Variants in ZNF611 observed in about 807,000 individuals in gnomAD.
The protein encoded by ZNF611 is zinc finger protein 611.
Under a neutral mutation model 8.9 loss-of-function variants are expected in ZNF611, and 6 were observed. The ratio of observed to expected loss-of-function variants is 0.68; its 90% CI spans 0.37 to 1.34. The LOEUF (loss-of-function observed/expected upper bound fraction) is 1.34. Ranked by LOEUF, ZNF611 falls within the 40% of genes most tolerant of loss-of-function variation. The pLI, the probability that ZNF611 is intolerant of heterozygous loss-of-function variation, is 0.02. For synonymous variants in ZNF611, 262 were observed against 279.7 expected (o/e 0.94, Z 0.63); for missense variants, 874 against 841.3 (o/e 1.04, Z -0.48).
At chr19:52,708,515 A>T (rs1485667895) in intron 5 of ZNF611, 1 of 148,128 alleles carries the variant, frequency 6.8e-6, no homozygotes, top group Admixed American at 6.7e-5. Context: ...AAATAAAATA[A>T]AGAAAATACA....
intron 3 of ZNF611, among the ~76,000 whole-genome samples, chr19:52,718,881 C>T (rs989890208): frequency 6.6e-6 from 1 of 151,878 alleles, no homozygotes; most frequent in Admixed American, 6.6e-5. Context: ...AAATGAAAAG[C>T]AACTAATGAG....
At chr19:52,726,394 C>T (rs1053483299) in intron 3 of ZNF611, among the ~76,000 whole-genome samples, 2 of 152,244 alleles carry the variant, frequency 1.3e-5, no homozygotes, top group Non-Finnish European at 2.9e-5. Flanking sequence ...GTCTCTCTCG[C>T]GCGCTCTTTT....
rs530377273 is a variant in ZNF611 at position 52,731,832 on chromosome 19, G to A, written c.-221-1827C>T. Among the ~76,000 whole-genome samples, 276 of 152,166 alleles carry A rather than the reference G, an allele frequency of 1.8e-3. 1 individual carries two copies. Among genetic ancestry groups the A allele is most frequent in the Non-Finnish European group, 2.1e-3 (145 of 68,010 alleles). On this transcript the variant is annotated intron_variant, in intron 1 of 5. Coordinates refer to ENST00000652185, the MANE Select transcript of ZNF611 (RefSeq NM_001161499.2). Reference sequence around the variant, plus strand: ...ACTAAAAACACAAAATTAGCCGAGCGTGGTGGTGCATGCCTGTAATCCCAG... The same window carrying A: ...ACTAAAAACACAAAATTAGCCGAGCATGGTGGTGCATGCCTGTAATCCCAG...
At chr19:52,715,471 T>C (rs1248986571) in intron 4 of ZNF611, among the ~76,000 whole-genome samples, 1 of 152,222 alleles carries the variant, frequency 6.6e-6, no homozygotes, top group Non-Finnish European at 1.5e-5. Flanking sequence ...CACACATCTG[T>C]GCACATTAAC....
Position 52,703,310 on chromosome 19 carries a change from C to G in ZNF611, c.*1627G>C. ...ATTTTTTGTTTGTTTGAGATGGAGA[C>G]TCACTCTGCCACCCAGGCTGCAGTA... On this transcript the variant is annotated 3_prime_UTR_variant, in exon 6 of 6. Coordinates refer to ENST00000652185, the MANE Select transcript of ZNF611 (RefSeq NM_001161499.2). The G allele has an allele frequency of 1.3e-5, 2 of 152,082 alleles. 1 individual carries two copies. Among genetic ancestry groups the G allele is most frequent in the East Asian group, 3.9e-4 (2 of 5,190 alleles). 9.4% of individuals were successfully genotyped at this position (152,082 alleles called of 1,614,324 possible).
intron 4 of ZNF611, among the ~76,000 whole-genome samples, chr19:52,715,501 T>C (rs552684469): frequency 6.6e-6 from 1 of 152,370 alleles, no homozygotes; most frequent in Non-Finnish European, 1.5e-5. Flanking sequence ...TCATATGTAG[T>C]TTCTCTGAGC....
chr19:52,709,430 G>A (rs891753715), intron 5 of ZNF611, among the ~76,000 whole-genome samples: 34 of 151,466 alleles, frequency 2.2e-4, no homozygotes, highest in African/African-American at 8.0e-4. Context: ...GCACCACCAT[G>A]CCCAGATAAT....
intron 3 of ZNF611, among the ~76,000 whole-genome samples, chr19:52,721,674 G>GGGAAGAGGGAGAGAGGGA (rs1555796327): frequency 0.012 from 1,741 of 145,500 alleles, 36 homozygotes; most frequent in African/African-American, 0.047. Flanking sequence ...GAAAGTGAGA[G>GGGAAGAGGGAGAGAGGGA]GGGAAAGGGA....
intron 3 of ZNF611, 140 bp from the exon 4 acceptor site, chr19:52,716,053 A>G: frequency 1.1e-6 from 1 of 948,666 alleles, no homozygotes; most frequent in East Asian, 2.5e-5. Flanking sequence ...TGCAGAGATA[A>G]GGAAGTCCCA....
chr19:52,717,756 C>G (rs2062327332), intron 3 of ZNF611: 1 of 919,572 alleles, frequency 1.1e-6, no homozygotes, highest in East Asian at 1.2e-4. Context: ...TCACAGATCA[C>G]CATTTTTTCA....
chr19:52,722,283 G>A (rs2062364769), intron 3 of ZNF611, among the ~76,000 whole-genome samples: 1 of 152,074 alleles, frequency 6.6e-6, no homozygotes, highest in Non-Finnish European at 1.5e-5. Flanking sequence ...TCAGGAGACT[G>A]AGGGAGGAGG....
chr19:52,707,182 A>G lies in ZNF611; in HGVS notation c.191-318T>C, dbSNP rs555616761. 2.0e-5 allele frequency among the ~76,000 whole-genome samples: 3 copies of G among 151,934 alleles called. No homozygotes were observed. In the East Asian group the frequency reaches 5.8e-4, roughly 29 times the overall value. On this transcript the variant is annotated intron_variant, in intron 5 of 5. Coordinates refer to ENST00000652185, the MANE Select transcript of ZNF611 (RefSeq NM_001161499.2). ...CACAATTTGCAAAAAGCATATCACC[A>G]TCACATCGGTGAAGAGAAAAATATA...
At position 52,706,759 on chromosome 19, in the gene ZNF611, C is replaced by T; in HGVS notation, c.296G>A (p.Gly99Glu). ...CTCAATTTCCTGGAAGCAAAAATCT[C>T]CAATGTGATGACTTTCATGTCTTTG... ...TLQRHESHHIGDFCFQEIEKE... is the reference protein window; with the variant it reads ...TLQRHESHHIEDFCFQEIEKE... The change falls in exon 6 of 6, where the codon GGA (glycine) becomes GAA (glutamate). Residue 99 changes from glycine (G) to glutamate (E), a missense_variant. Transcript: ENST00000652185. The T allele has an allele frequency of 6.2e-7, 1 of 1,614,160 alleles. No homozygotes were observed. Among genetic ancestry groups the T allele is most frequent in the Non-Finnish European group, 8.5e-7 (1 of 1,180,016 alleles).
In ZNF611 at chr19:52,721,644, G is replaced by C. The variant is rs747918928; in HGVS notation, c.-19-5731C>G. Among the ~76,000 whole-genome samples the C allele has an allele frequency of 9.4e-4, 142 of 150,476 alleles. 1 individual carries two copies. The highest frequency in any genetic ancestry group is 2.5e-4 in the Non-Finnish European group (17 of 68,002). On this transcript the variant is annotated intron_variant, in intron 3 of 5. Transcript: ENST00000652185. ...GATCACGGCAGTACTGTCCAGCCTC[G>C]GCAACAGAGGGAGACCGTGGAAAGT...
In ZNF611 at chr19:52,721,080, C is replaced by T. The variant is rs58879036; in HGVS notation, c.-19-5167G>A. On this transcript the variant is annotated intron_variant, in intron 3 of 5. Transcript: ENST00000652185. ...GCAGAGGGGCTCCTCACTTCCTAGA[C>T]GGGGCGGCCAGGAAGAGACGCTCCT... The T allele has an allele frequency of 6.1e-3, 929 of 152,948 alleles. 9 individuals carry two copies. The highest frequency in any genetic ancestry group is 0.021 in the African/African-American group (856 of 40,336). 9.5% of individuals were successfully genotyped at this position (152,948 alleles called of 1,614,324 possible). A position where few individuals can be genotyped will look rare whatever the true frequency, so the allele number is the denominator to read the frequency against.
At chr19:52,721,499 C>T (rs1229981575) in intron 3 of ZNF611, among the ~76,000 whole-genome samples, 1 of 152,160 alleles carries the variant, frequency 6.6e-6, no homozygotes, top group African/African-American at 2.4e-5. Context: ...GCCAACATGG[C>T]GAAACCCCGT....
intron 3 of ZNF611, among the ~76,000 whole-genome samples, chr19:52,726,213 G>A (rs187607868): frequency 2.4e-3 from 372 of 152,214 alleles, no homozygotes; most frequent in Non-Finnish European, 4.1e-3. Context: ...TCAGGCCAGG[G>A]AGGAGTGAGG....
At chr19:52,716,781 G>A (rs1003697671) in intron 3 of ZNF611, among the ~76,000 whole-genome samples, 7 of 152,186 alleles carry the variant, frequency 4.6e-5, no homozygotes, top group African/African-American at 1.7e-4. Context: ...GAAGGACCCA[G>A]CACAGTGGCT....
At chr19:52,722,074 T>C (rs1275814346) in intron 3 of ZNF611, among the ~76,000 whole-genome samples, 1 of 150,776 alleles carries the variant, frequency 6.6e-6, no homozygotes, top group African/African-American at 2.5e-5. Flanking sequence ...TAATAATTAG[T>C]ATGTAGGCCA....
Sources: gnomAD v4.1 joint callset for allele counts (sites outside exome capture counted in the v4.1 genomes callset) on GRCh38, gnomAD v4.1.1 for gene constraint, MANE v1.5 for transcripts, NCBI Gene and HGNC (gene_info 2026-07-23, HGNC 2026-07-21) for gene names.